INSR: variants seen among roughly 807,000 people sequenced by gnomAD.
INSR encodes IR.
In INSR, 67 loss-of-function variants were observed where a neutral mutation model predicts 142.6. That is an observed-to-expected ratio of 0.47 (90% confidence interval 0.39 to 0.58). INSR has a LOEUF of 0.58. Ranked by LOEUF, INSR falls within the 20% of genes least tolerant of loss-of-function variation. INSR has a pLI of 0.00. For missense variants in INSR, 1,248 were observed against 1,833.2 expected (o/e 0.68, Z 5.83); for synonymous variants, 756 against 743.1 (o/e 1.02, Z -0.28).
At chr19:7,127,314 G>A (rs1406748794) in intron 15 of INSR, among the ~76,000 whole-genome samples, 2 of 152,072 alleles carry the variant, frequency 1.3e-5, no homozygotes, top group Non-Finnish European at 2.9e-5. Flanking sequence ...TAAATTTTCA[G>A]GAAACTAGTG....
chr19:7,271,010 C>T (rs76924395), intron 1 of INSR, among the ~76,000 whole-genome samples: 3,686 of 145,012 alleles, frequency 0.025, 125 homozygotes, highest in East Asian at 0.18. Flanking sequence ...TGCAGTGAGC[C>T]GAGATCACAC....
intron 1 of INSR, among the ~76,000 whole-genome samples, chr19:7,283,631 G>T (rs1256932369): frequency 6.6e-6 from 1 of 152,098 alleles, no homozygotes; most frequent in African/African-American, 2.4e-5. Context: ...GTAGAGACGG[G>T]GTTTCACCAT....
intron 2 of INSR, among the ~76,000 whole-genome samples, chr19:7,240,591 T>C (rs1976310103): frequency 6.6e-6 from 1 of 152,046 alleles, no homozygotes; most frequent in African/African-American, 2.4e-5. Context: ...AATAAATAAA[T>C]AGATTTAAAG....
At chr19:7,161,238 CTTTTT>C (rs201486860) in intron 9 of INSR, among the ~76,000 whole-genome samples, 2 of 143,232 alleles carry the variant, frequency 1.4e-5, no homozygotes, top group African/African-American at 2.6e-5. Flanking sequence ...CACTTAATGC[CTTTTT>C]TTTTTAATTT....
intron 21 of INSR, among the ~76,000 whole-genome samples, chr19:7,118,867 C>A (rs12979722): frequency 0.92 from 133,526 of 144,490 alleles, 61,819 homozygotes; most frequent in East Asian, 1. Flanking sequence ...GTCAGCCGAG[C>A]TCGCACCACT....
intron 1 of INSR, among the ~76,000 whole-genome samples, chr19:7,275,270 C>T (rs903536541): frequency 1.6e-4 from 24 of 151,788 alleles, no homozygotes; most frequent in Non-Finnish European, 2.8e-4. Context: ...CCACTGCGCC[C>T]GGCCAGCCCT....
intron 2 of INSR, among the ~76,000 whole-genome samples, chr19:7,236,292 C>T (rs1976157384): frequency 6.6e-6 from 1 of 152,118 alleles, no homozygotes; most frequent in Non-Finnish European, 1.5e-5. Flanking sequence ...TTCTACTACA[C>T]AACTCATCCA....
chr19:7,208,591 C>T (rs1975182495), intron 2 of INSR, among the ~76,000 whole-genome samples: 1 of 152,138 alleles, frequency 6.6e-6, no homozygotes, highest in Non-Finnish European at 1.5e-5. Context: ...CAGCTGTGGC[C>T]GGGCGCAGTG....
chr19:7,275,918 C>A (rs568060363), intron 1 of INSR, among the ~76,000 whole-genome samples: 1 of 152,076 alleles, frequency 6.6e-6, no homozygotes, highest in South Asian at 2.1e-4. Flanking sequence ...TGTATTGGAC[C>A]GTGCTGGTCC....
chr19:7,146,080 T>G (rs1241673765), intron 11 of INSR, among the ~76,000 whole-genome samples: 3 of 152,198 alleles, frequency 2.0e-5, no homozygotes, highest in Non-Finnish European at 4.4e-5. Flanking sequence ...CTTGATGAAC[T>G]AGATGATGTT....
intron 2 of INSR, among the ~76,000 whole-genome samples, chr19:7,226,142 T>C (rs1306477230): frequency 6.6e-6 from 1 of 152,182 alleles, no homozygotes; most frequent in African/African-American, 2.4e-5. Context: ...GTGTGGTGCC[T>C]CACGCCTGTA....
At chr19:7,282,714 C>T (rs1968238149) in intron 1 of INSR, among the ~76,000 whole-genome samples, 1 of 151,262 alleles carries the variant, frequency 6.6e-6, no homozygotes, top group South Asian at 2.1e-4. Flanking sequence ...TGGCCAGGCG[C>T]AGTGGCTCAC....
chr19:7,221,605 C>T (rs954475508), intron 2 of INSR, among the ~76,000 whole-genome samples: 4 of 150,278 alleles, frequency 2.7e-5, no homozygotes, highest in Non-Finnish European at 5.9e-5. Context: ...CTACTTGGGA[C>T]GCTGAGGCAG....
Position 7,293,826 on chromosome 19 carries a change from T to C in INSR, c.66A>G (p.Leu22=). ...APLLVAVAAL[L]LGAAGHLYPG... is the part of the protein sequence containing the mutation. ...GGTACAGGTGGCCCGCGGCGCCCAG[T>C]AGCAGCGCGGCCACCGCCACCAGCA... The change falls in exon 1 of 22, where the codon CTA becomes CTG. Residue 22 remains leucine, a synonymous_variant. Transcript: ENST00000302850. 1.5e-6 allele frequency: 2 copies of C among 1,328,180 alleles called. No individual in the cohort carries two copies. The highest frequency in any genetic ancestry group is 2.0e-5 in the South Asian group (1 of 49,418). 82.3% of individuals were successfully genotyped at this position (1,328,180 alleles called of 1,614,324 possible).
intron 3 of INSR, among the ~76,000 whole-genome samples, chr19:7,182,820 AT>A (rs113109382): frequency 0.11 from 15,333 of 145,536 alleles, 1,045 homozygotes; most frequent in African/African-American, 0.2. Context: ...ATATTAACCC[AT>A]TTTTTTTATT....
At chr19:7,266,924 C>A (rs1243481337) in intron 2 of INSR, among the ~76,000 whole-genome samples, 1 of 151,976 alleles carries the variant, frequency 6.6e-6, no homozygotes, top group Non-Finnish European at 1.5e-5. Context: ...TTTAAAAAAA[C>A]CGAATCTACA....
At chr19:7,282,346 C>T (rs1314879723) in intron 1 of INSR, among the ~76,000 whole-genome samples, 1 of 150,878 alleles carries the variant, frequency 6.6e-6, no homozygotes, top group Non-Finnish European at 1.5e-5. Flanking sequence ...GCCTGGGCAA[C>T]AGAGTGCGAC....
In INSR at chr19:7,142,855, T is replaced by C. The variant is rs1973104772; in HGVS notation, c.2503A>G (p.Ser835Gly). Residue 835 changes from serine (S) to glycine (G), a missense_variant, in exon 12 of 22, where the codon AGT becomes GGT. Ser to Gly is a moderately conservative substitution (Grantham distance 56). Transcript: ENST00000302850. Reference sequence around the variant, plus strand: ...CTCGCACTGACGTAGGCTGCCACACTGCACCGTTCCTCAGGGGTGTCCTGG... The same window carrying C: ...CTCGCACTGACGTAGGCTGCCACACCGCACCGTTCCTCAGGGGTGTCCTGG... ...CNQDTPEERC[S>G]VAAYVSARTM... 1 of 1,613,990 alleles carries C rather than the reference T, an allele frequency of 6.2e-7. No individual in the cohort carries two copies. Among genetic ancestry groups the C allele is most frequent in the Non-Finnish European group, 8.5e-7 (1 of 1,180,028 alleles).
In INSR at chr19:7,126,452, C is replaced by A. The variant is rs539705705; in HGVS notation, c.3013+132G>T. On this transcript the variant is annotated intron_variant, in intron 16 of 21. Coordinates refer to ENST00000302850, the MANE Select transcript of INSR (RefSeq NM_000208.4). ...GGTTTCTGCAGCAAGGGCAGTTTGG[C>A]AAGCTCAAATGAATAAGAGGGCTTT... 3 of 823,692 alleles carry A rather than the reference C, an allele frequency of 3.6e-6. No homozygotes were observed. In the East Asian group the frequency reaches 8.1e-5, roughly 22 times the overall value. The allele number at this position is 823,692 out of a possible 1,614,324, so 51.0% of individuals were successfully genotyped here.
Sources: allele counts gnomAD v4.1 joint callset (sites outside exome capture counted in the v4.1 genomes callset), GRCh38; gene constraint gnomAD v4.1.1; transcripts MANE v1.5; gene names NCBI Gene and HGNC (gene_info 2026-07-23, HGNC 2026-07-21).